GRM3: variants seen among roughly 807,000 people sequenced by gnomAD.
GRM3 encodes glutamate metabotropic receptor 3.
GRM3 carries 26 observed loss-of-function variants against 70.5 expected under a neutral mutation model. The observed-to-expected ratio is 0.37, with a 90% CI of 0.27 to 0.51. The LOEUF is 0.51. GRM3 is among the 20% of genes least tolerant of loss of function. The pLI, the probability that GRM3 is intolerant of heterozygous loss-of-function variation, is 0.93. For missense variants in GRM3, 859 were observed against 1,123.8 expected, an observed-to-expected ratio of 0.76 and a Z score of 3.37; for synonymous variants, 443 against 434.9, an observed-to-expected ratio of 1.02 and a Z score of -0.23.
chr7:86,802,109 A>T (rs1437231931), intron 3 of GRM3, among the ~76,000 whole-genome samples: 1 of 152,142 alleles, frequency 6.6e-6, no homozygotes, highest in East Asian at 1.9e-4. Flanking sequence ...TTATTCATTA[A>T]TTCTCACAAA....
rs1007850232 is a variant in GRM3 at position 86,862,216 on chromosome 7, T to C, written c.2567-2066T>C. Among the ~76,000 whole-genome samples, 7 of 152,264 alleles carry C rather than the reference T, an allele frequency of 4.6e-5. No homozygotes were observed. The East Asian group carries it at 5.8e-4, about 13-fold the overall frequency. ...CACACAAAGATGTCAAGTAGGCAGT[T>C]GGATACAAAAGGCTGCAGAAAAAGC... is the stretch of plus-strand genomic sequence containing the variant. On this transcript the variant is annotated intron_variant, in intron 5 of 5. Coordinates refer to ENST00000361669, the MANE Select transcript of GRM3 (RefSeq NM_000840.3).
At chr7:86,655,849 T>TGTGTGTGTGG (rs1793725587) in intron 1 of GRM3, among the ~76,000 whole-genome samples, 1 of 144,634 alleles carries the variant, frequency 6.9e-6, no homozygotes, top group Admixed American at 6.8e-5. Flanking sequence ...TGTGTGTGTG[T>TGTGTGTGTGG]GTGGGTGGGT....
intron 1 of GRM3, among the ~76,000 whole-genome samples, chr7:86,694,670 C>T (rs1213854436): frequency 1.3e-5 from 2 of 151,870 alleles, no homozygotes; most frequent in East Asian, 1.9e-4. Flanking sequence ...GTATTAAATA[C>T]TGATCCATGG....
intron 4 of GRM3, 66 bp from the exon 5 acceptor site, chr7:86,850,304 C>T: frequency 1.8e-6 from 2 of 1,111,326 alleles, no homozygotes; most frequent in Admixed American, 1.7e-5. Context: ...TATTTCAGCA[C>T]TCTCTTTAGT....
chr7:86,819,948 A>G (rs1230921592), intron 3 of GRM3, among the ~76,000 whole-genome samples: 5 of 152,182 alleles, frequency 3.3e-5, no homozygotes, highest in African/African-American at 1.2e-4. Flanking sequence ...ACCCTCGAAT[A>G]TATCCTTTCT....
intron 1 of GRM3, among the ~76,000 whole-genome samples, chr7:86,705,094 A>G (rs983210119): frequency 6.6e-6 from 1 of 151,974 alleles, no homozygotes; most frequent in African/African-American, 2.4e-5. Flanking sequence ...ACTTATGTAT[A>G]ATATAGATTA....
At chr7:86,764,496 A>AG (rs1796553435) in intron 1 of GRM3, among the ~76,000 whole-genome samples, 1 of 152,178 alleles carries the variant, frequency 6.6e-6, no homozygotes. Flanking sequence ...AGGGAGGGAC[A>AG]GAGATGCAGT....
At chr7:86,676,830 G>A (rs1794319083) in intron 1 of GRM3, among the ~76,000 whole-genome samples, 1 of 151,884 alleles carries the variant, frequency 6.6e-6, no homozygotes, top group Non-Finnish European at 1.5e-5. Context: ...AACAGAGGTG[G>A]GGTAAAGTAA....
intron 1 of GRM3, among the ~76,000 whole-genome samples, chr7:86,654,462 C>CTGA (rs1205634035): frequency 2.6e-5 from 4 of 152,126 alleles, no homozygotes; most frequent in Non-Finnish European, 5.9e-5. Flanking sequence ...GTACTTCTAC[C>CTGA]TGATGATGTC....
chr7:86,679,162 T>C lies in GRM3; in HGVS notation c.-141+34290T>C, dbSNP rs527363459. Among the ~76,000 whole-genome samples, 9 of 152,206 alleles carry C rather than the reference T, an allele frequency of 5.9e-5. No individual in the cohort carries two copies. The South Asian group carries it at 1.9e-3, about 31-fold the overall frequency. On this transcript the variant is annotated intron_variant, in intron 1 of 5. Transcript: ENST00000361669. ...TGTAATCTCTTGTCTGACCATCTTA[T>C]TAGTGATCAGGATAATGAATACATA...
chr7:86,649,040 C>G (rs896506617), intron 1 of GRM3, among the ~76,000 whole-genome samples: 1 of 152,070 alleles, frequency 6.6e-6, no homozygotes, highest in Non-Finnish European at 1.5e-5. Flanking sequence ...AAGCATTCGA[C>G]GGTACATGGA....
chr7:86,755,638 G>C (rs928583999), intron 1 of GRM3, among the ~76,000 whole-genome samples: 3 of 152,080 alleles, frequency 2.0e-5, no homozygotes, highest in African/African-American at 4.8e-5. Flanking sequence ...TGCCAGCTGG[G>C]TTTAAGCCTT....
At chr7:86,843,291 C>T (rs1271139650) in intron 4 of GRM3, among the ~76,000 whole-genome samples, 1 of 152,086 alleles carries the variant, frequency 6.6e-6, no homozygotes, top group African/African-American at 2.4e-5. Flanking sequence ...CCAGGTGGCA[C>T]AGTTATGAAA....
At chr7:86,861,891 A>T (rs1798967444) in intron 5 of GRM3, among the ~76,000 whole-genome samples, 1 of 152,194 alleles carries the variant, frequency 6.6e-6, no homozygotes, top group African/African-American at 2.4e-5. Context: ...GTGGAAACAG[A>T]CAGGCCAGTG....
chr7:86,650,860 AC>A (rs1418023370), intron 1 of GRM3, among the ~76,000 whole-genome samples: 1 of 152,216 alleles, frequency 6.6e-6, no homozygotes, highest in African/African-American at 2.4e-5. Context: ...CACCAGGAAA[AC>A]AAGCTGGTAA....
chr7:86,796,738 A>G (rs1352292085), intron 3 of GRM3, among the ~76,000 whole-genome samples: 2 of 152,048 alleles, frequency 1.3e-5, no homozygotes, highest in South Asian at 2.1e-4. Context: ...TATTTCCTTG[A>G]GCAGTGGTTT....
intron 1 of GRM3, among the ~76,000 whole-genome samples, chr7:86,663,082 T>C (rs184803237): frequency 1.3e-5 from 2 of 152,002 alleles, no homozygotes; most frequent in Admixed American, 6.6e-5. Flanking sequence ...AAATTCAAAA[T>C]TATTTATAAA....
rs758187594 is a variant in GRM3 at position 86,786,784 on chromosome 7, G to A, written c.992G>A (p.Arg331His). 6.2e-7 allele frequency: 1 copy of A among 1,614,098 alleles called. No homozygotes were observed. The highest frequency in any genetic ancestry group is 8.5e-7 in the Non-Finnish European group (1 of 1,180,014). Residue 331 changes from arginine (R) to histidine (H), a missense_variant, in exon 3 of 6, where the codon CGC (arginine) becomes CAC (histidine). Transcript: ENST00000361669. This position sits in a 1 kb window ranked among gnomAD's most constrained non-coding sequence, Gnocchi z 6.0. ...ITLELASQPV[R>H]QFDRYFQSLN... ...CTGGAGCTGGCCTCCCAGCCTGTCC[G>A]CCAGTTCGACCGCTACTTCCAGAGC...
chr7:86,765,654 T>G (rs752944830), intron 2 of GRM3, 41 bp downstream of exon 2: 1 of 1,565,722 alleles, frequency 6.4e-7, no homozygotes, highest in Non-Finnish European at 8.7e-7. Flanking sequence ...CTGTATCTCT[T>G]TGCTTTTATG....
Sources: gnomAD v4.1 joint callset for allele counts (sites outside exome capture counted in the v4.1 genomes callset) on GRCh38, gnomAD v4.1.1 for gene constraint, Gnocchi (gnomAD v3.1) non-coding constraint, MANE v1.5 for transcripts, NCBI Gene and HGNC (gene_info 2026-07-23, HGNC 2026-07-21) for gene names.